The following FAM180A variants were observed in gnomAD, a reference collection of about 807,000 sequenced individuals.
FAM180A encodes family with sequence similarity 180 member A.
A neutral mutation model predicts 15.3 loss-of-function variants in FAM180A; 14 were observed. The ratio of observed to expected loss-of-function variants is 0.92; its 90% CI spans 0.61 to 1.43. The LOEUF (loss-of-function observed/expected upper bound fraction) is 1.43, where lower values mean the gene tolerates loss of function less well. Ranked by LOEUF, FAM180A falls within the 40% of genes most tolerant of loss-of-function variation. The probability of loss-of-function intolerance (pLI) is 0.00; values close to 1 mark genes in which losing one functional copy is unlikely to be tolerated. For missense variants in FAM180A, 200 were observed against 220.8 expected (o/e 0.91, Z 0.60); for synonymous variants, 90 against 96.8 (o/e 0.93, Z 0.41).
intron 3 of FAM180A, among the ~76,000 whole-genome samples, chr7:135,732,748 T>A (rs935087413): frequency 6.6e-6 from 1 of 150,404 alleles, no homozygotes; most frequent in Non-Finnish European, 1.5e-5. Context: ...CACAAGAATG[T>A]TTGAATGATG....
intron 1 of FAM180A, among the ~76,000 whole-genome samples, chr7:135,738,431 T>C (rs1796901856): frequency 6.6e-6 from 1 of 152,184 alleles, no homozygotes; most frequent in African/African-American, 2.4e-5. Context: ...TGACCTCAAG[T>C]GATCTGCCTG....
intron 1 of FAM180A, among the ~76,000 whole-genome samples, chr7:135,741,508 T>C (rs1796948900): frequency 1.0e-5 from 1 of 99,326 alleles, no homozygotes; most frequent in African/African-American, 5.5e-5. Context: ...AGACTGAGAC[T>C]CTGTCTCAAA....
chr7:135,734,218 G>C lies in FAM180A; in HGVS notation c.279C>G (p.Cys93Trp). 1 of 1,614,236 alleles carries C rather than the reference G, an allele frequency of 6.2e-7. No individual in the cohort carries two copies. ...GGATGCTCTTGGGGATGACGTTGTT[G>C]CAGACGGTGCGGAAGTCTGAGGCCT... is the stretch of plus-strand genomic sequence containing the variant. ...LRKASDFRTVCNNVIPKSIPD... is the reference protein window; with the variant it reads ...LRKASDFRTVWNNVIPKSIPD... The change falls in exon 3 of 4, where the codon TGC (cysteine) becomes TGG (tryptophan). Residue 93 changes from cysteine to tryptophan, a missense_variant. Physicochemically the swap from Cys to Trp is radical, Grantham distance 215. Coordinates refer to ENST00000338588, the MANE Select transcript of FAM180A (RefSeq NM_205855.4).
rs1796757707 is a variant in FAM180A, at chr7:135,729,946, G to A, written c.*665C>T. 1 of 831,552 alleles carries A rather than the reference G, an allele frequency of 1.2e-6. No individual in the cohort carries two copies. The highest frequency in any genetic ancestry group is 1.4e-6 in the Non-Finnish European group (1 of 689,948). 51.5% of individuals were successfully genotyped at this position (831,552 alleles called of 1,614,324 possible). ...GGGTCTGTTTCACAACATGCATGGAGTTAACACTGCTGTACCATATGCTTA... is the reference window on the plus strand; with the variant it reads ...GGGTCTGTTTCACAACATGCATGGAATTAACACTGCTGTACCATATGCTTA... On this transcript the variant is annotated 3_prime_UTR_variant, in exon 4 of 4. Transcript: ENST00000338588.
At chr7:135,737,802 C>T (rs1796894185) in intron 1 of FAM180A, among the ~76,000 whole-genome samples, 1 of 152,114 alleles carries the variant, frequency 6.6e-6, no homozygotes, top group African/African-American at 2.4e-5. Flanking sequence ...GAAGAACCAT[C>T]TGAGAAAGTT....
At chr7:135,743,178 C>T (rs1258184352) in intron 1 of FAM180A, among the ~76,000 whole-genome samples, 1 of 150,458 alleles carries the variant, frequency 6.6e-6, no homozygotes, top group Non-Finnish European at 1.5e-5. Flanking sequence ...CTTTTAGGAT[C>T]ACTCTCCTGC....
intron 1 of FAM180A, among the ~76,000 whole-genome samples, 188 bp downstream of exon 1, chr7:135,748,317 A>AT (rs1797060092): frequency 6.6e-6 from 1 of 151,976 alleles, no homozygotes. Flanking sequence ...AGGAGCTTTG[A>AT]TTTTTTCCAG....
At chr7:135,731,581 G>C (rs992052747) in intron 3 of FAM180A, among the ~76,000 whole-genome samples, 6 of 152,092 alleles carry the variant, frequency 3.9e-5, no homozygotes, top group Non-Finnish European at 8.8e-5. Flanking sequence ...CCATGTCAGA[G>C]AGAATATGTA....
intron 2 of FAM180A, among the ~76,000 whole-genome samples, chr7:135,736,176 C>T (rs1490063255): frequency 6.6e-6 from 1 of 151,510 alleles, no homozygotes; most frequent in East Asian, 1.9e-4. Flanking sequence ...GCACGTGCCA[C>T]CATGCCCAGC....
chr7:135,730,555 C>A (rs1292292605), intron 3 of FAM180A, among the ~76,000 whole-genome samples: 1 of 152,094 alleles, frequency 6.6e-6, no homozygotes, highest in African/African-American at 2.4e-5. Context: ...AACAAAAAAA[C>A]CCACAAAGTT....
chr7:135,747,734 G>A lies in FAM180A; in HGVS notation c.76+771C>T, dbSNP rs192581345. 5.3e-5 allele frequency among the ~76,000 whole-genome samples: 8 copies of A among 152,266 alleles called. No homozygotes were observed. The East Asian group carries it at 1.5e-3, about 29-fold the overall frequency. The stretch of plus-strand genomic sequence containing the variant: ...AGGAGAGTGAACTCAGTTGACTTTA[G>A]GCAGTGGAAAGATTTCCGTTCATAT... On this transcript the variant is annotated intron_variant, in intron 1 of 3. Coordinates refer to ENST00000338588, the MANE Select transcript of FAM180A (RefSeq NM_205855.4).
chr7:135,746,554 A>G (rs79957285), intron 1 of FAM180A, among the ~76,000 whole-genome samples: 236 of 152,316 alleles, frequency 1.5e-3, no homozygotes, highest in Non-Finnish European at 2.5e-3. Context: ...TATCGTGTTT[A>G]CAAACCATAT....
chr7:135,739,250 C>A (rs1387203229), intron 1 of FAM180A, among the ~76,000 whole-genome samples: 1 of 142,902 alleles, frequency 7.0e-6, no homozygotes, highest in East Asian at 2.0e-4. Context: ...GTGGAGCTTG[C>A]AGTGAACCGA....
intron 1 of FAM180A, among the ~76,000 whole-genome samples, chr7:135,739,084 C>A (rs1215070113): frequency 6.7e-6 from 1 of 148,768 alleles, no homozygotes; most frequent in Non-Finnish European, 1.5e-5. Flanking sequence ...CTGAGGTGGG[C>A]AGATCACATG....
In FAM180A at chr7:135,745,093, A is replaced by AT. The variant is rs35535059; in HGVS notation, c.76+3411dup. ...AGGCATGTGCTGCTACACCCAGCTA[A>AT]TTTTTTTTTTAACTTTCCCCTGAGT... On this transcript the variant is annotated intron_variant, in intron 1 of 3. Coordinates refer to ENST00000338588, the MANE Select transcript of FAM180A (RefSeq NM_205855.4). Among the ~76,000 whole-genome samples the AT allele has an allele frequency of 4.7e-3, 702 of 150,570 alleles. 5 individuals carry two copies. Among genetic ancestry groups the AT allele is most frequent in the African/African-American group, 0.016 (661 of 40,880 alleles).
chr7:135,733,507 C>T (rs1036251617), intron 3 of FAM180A, 139 bp downstream of exon 3: 13 of 290,086 alleles, frequency 4.5e-5, no homozygotes, highest in Non-Finnish European at 5.7e-5. Flanking sequence ...CCACCACGTC[C>T]GGCTGATTTT....
chr7:135,736,885 A>G (rs1437860690), intron 2 of FAM180A, among the ~76,000 whole-genome samples: 1 of 152,148 alleles, frequency 6.6e-6, no homozygotes, highest in Non-Finnish European at 1.5e-5. Flanking sequence ...TAATGCCATC[A>G]TTGTCTGTTA....
At chr7:135,744,544 C>A (rs567366704) in intron 1 of FAM180A, among the ~76,000 whole-genome samples, 2 of 152,176 alleles carry the variant, frequency 1.3e-5, no homozygotes, top group African/African-American at 2.4e-5. Flanking sequence ...CGGCCCTGTG[C>A]GTGGGGGTCC....
rs375523916 is a variant in FAM180A at position 135,743,085 on chromosome 7, A to G, written c.76+5420T>C. ...TGAATGCCTATGCATTTGATAGAAAACGTATTCTTAAGTGGATCACACATA... is the reference window on the plus strand; with the variant it reads ...TGAATGCCTATGCATTTGATAGAAAGCGTATTCTTAAGTGGATCACACATA... On this transcript the variant is annotated intron_variant, in intron 1 of 3. Coordinates refer to ENST00000338588, the MANE Select transcript of FAM180A (RefSeq NM_205855.4). Among the ~76,000 whole-genome samples, 38 of 152,324 alleles carry G rather than the reference A, an allele frequency of 2.5e-4. No individual in the cohort carries two copies. The South Asian group carries it at 3.1e-3, about 12-fold the overall frequency.
Sources: gnomAD v4.1 joint callset for allele counts (sites outside exome capture counted in the v4.1 genomes callset) on GRCh38, gnomAD v4.1.1 for gene constraint, MANE v1.5 for transcripts, NCBI Gene and HGNC (gene_info 2026-07-23, HGNC 2026-07-21) for gene names.